PTPRD: variants seen among roughly 807,000 people sequenced by gnomAD.
PTPRD encodes the protein protein tyrosine phosphatase receptor type D, also known as receptor-type tyrosine-protein phosphatase delta.
PTPRD carries 34 observed loss-of-function variants against 214.5 expected under a neutral mutation model. The ratio of observed to expected loss-of-function variants is 0.16; its 90% confidence interval spans 0.12 to 0.21. The LOEUF (loss-of-function observed/expected upper bound fraction) is 0.21, where lower values mean the gene tolerates loss of function less well. PTPRD is among the 10% of genes least tolerant of loss of function. The pLI is 1.00. For missense variants in PTPRD, 2,545 were observed against 2,398.7 expected, an observed-to-expected ratio of 1.06 and a Z score of -1.27; for synonymous variants, 1,128 against 845.7, an observed-to-expected ratio of 1.33 and a Z score of -5.79.
intron 5 of PTPRD, among the ~76,000 whole-genome samples, chr9:9,938,088 G>T (rs2090199085): frequency 6.6e-6 from 1 of 152,052 alleles, no homozygotes; most frequent in Non-Finnish European, 1.5e-5. Flanking sequence ...GTCCTGAAGG[G>T]TTACTCGGCC....
At chr9:9,776,700 C>T (rs1597476661) in intron 5 of PTPRD, among the ~76,000 whole-genome samples, 1 of 152,118 alleles carries the variant, frequency 6.6e-6, no homozygotes, top group East Asian at 1.9e-4. Context: ...AAGATAGTGA[C>T]TTTTACTAAA....
intron 6 of PTPRD, among the ~76,000 whole-genome samples, chr9:9,740,636 T>C (rs1006827380): frequency 3.3e-5 from 5 of 152,176 alleles, no homozygotes; most frequent in Admixed American, 3.3e-4. Context: ...AGTGCTGGGA[T>C]TACAGGCCTG....
chr9:9,322,185 A>T (rs1397558903), intron 9 of PTPRD, among the ~76,000 whole-genome samples: 2 of 152,196 alleles, frequency 1.3e-5, no homozygotes, highest in African/African-American at 4.8e-5. Flanking sequence ...TAGCTTAAAG[A>T]TGTTTTTAAA....
At chr9:10,143,613 C>T (rs2099002520) in intron 3 of PTPRD, among the ~76,000 whole-genome samples, 1 of 152,042 alleles carries the variant, frequency 6.6e-6, no homozygotes, top group African/African-American at 2.4e-5. Flanking sequence ...CTTGTATGTT[C>T]ATTGCAGCAC....
intron 14 of PTPRD, among the ~76,000 whole-genome samples, chr9:8,584,530 A>C (rs1564522749): frequency 6.6e-6 from 1 of 152,134 alleles, no homozygotes; most frequent in African/African-American, 2.4e-5. Flanking sequence ...GCATTCTGGT[A>C]TTCAGCAAAA....
chr9:8,837,191 T>C (rs137952834), intron 11 of PTPRD, among the ~76,000 whole-genome samples: 1 of 151,878 alleles, frequency 6.6e-6, no homozygotes, highest in Non-Finnish European at 1.5e-5. Flanking sequence ...ATTTTTGTAT[T>C]TTCAGTAGAG....
At chr9:9,176,131 A>G (rs1302406076) in intron 10 of PTPRD, among the ~76,000 whole-genome samples, 2 of 152,194 alleles carry the variant, frequency 1.3e-5, no homozygotes, top group Non-Finnish European at 2.9e-5. Flanking sequence ...AAATAGTTGA[A>G]GAGCATGAGG....
At chr9:9,829,625 C>A (rs967946581) in intron 5 of PTPRD, among the ~76,000 whole-genome samples, 1 of 151,846 alleles carries the variant, frequency 6.6e-6, no homozygotes, top group East Asian at 1.9e-4. Flanking sequence ...ACATGTTTTT[C>A]CATATACAGG....
At chr9:10,060,861 C>T (rs1373886639) in intron 3 of PTPRD, among the ~76,000 whole-genome samples, 18 of 101,714 alleles carry the variant, frequency 1.8e-4, no homozygotes, top group African/African-American at 1.1e-3. Flanking sequence ...TTCTTTCTTC[C>T]TTCCTTCTTT....
In PTPRD at chr9:10,382,361, T is replaced by C. The variant is rs1233695303; in HGVS notation, c.-599-41344A>G. Among the ~76,000 whole-genome samples the C allele has an allele frequency of 2.6e-5, 4 of 152,078 alleles. No individual in the cohort carries two copies. The East Asian group carries it at 5.8e-4, about 22-fold the overall frequency. On this transcript the variant is annotated intron_variant, in intron 2 of 45. Transcript: ENST00000381196. Reference sequence around the variant, plus strand: ...TATTTCTAGTTATCTTTATATTGTATGCTTTACTTTTCACTCCAGTGCCTC... The same window carrying C: ...TATTTCTAGTTATCTTTATATTGTACGCTTTACTTTTCACTCCAGTGCCTC...
chr9:9,531,409 T>C lies in PTPRD; in HGVS notation c.-237+43323A>G, dbSNP rs74985542. Among the ~76,000 whole-genome samples, 369 of 152,192 alleles carry C rather than the reference T, an allele frequency of 2.4e-3. 2 individuals are homozygous for C. Among genetic ancestry groups the C allele is most frequent in the South Asian group, 0.013 (63 of 4,826 alleles). ...AGTGATTATTACTCTTGTGTATAAG[T>C]GATTTTGTTTGAATGTGAGACACAA... On this transcript the variant is annotated intron_variant, in intron 8 of 45. Coordinates refer to ENST00000381196, the MANE Select transcript of PTPRD (RefSeq NM_002839.4).
intron 7 of PTPRD, among the ~76,000 whole-genome samples, chr9:9,721,201 A>G (rs1244323676): frequency 6.6e-6 from 1 of 152,158 alleles, no homozygotes; most frequent in Non-Finnish European, 1.5e-5. Context: ...GAAAGTTGCA[A>G]TAGAGGATCA....
At chr9:9,703,243 G>C (rs2097536409) in intron 7 of PTPRD, among the ~76,000 whole-genome samples, 1 of 152,020 alleles carries the variant, frequency 6.6e-6, no homozygotes. Context: ...ATGATTTTAA[G>C]TTTCCAGAGG....
At chr9:8,599,036 AC>A (rs2094641047) in intron 14 of PTPRD, among the ~76,000 whole-genome samples, 2 of 152,014 alleles carry the variant, frequency 1.3e-5, no homozygotes, top group African/African-American at 4.8e-5. Flanking sequence ...CCTGGGAAGG[AC>A]CCGGTGGGAG....
At chr9:8,351,679 G>A (rs1277775178) in intron 39 of PTPRD, among the ~76,000 whole-genome samples, 1 of 137,618 alleles carries the variant, frequency 7.3e-6, no homozygotes, top group African/African-American at 2.7e-5. Flanking sequence ...CTTTTAAAGA[G>A]TGGATATCAG....
At chr9:9,683,422 A>AAACAG (rs1420988825) in intron 7 of PTPRD, among the ~76,000 whole-genome samples, 1 of 151,786 alleles carries the variant, frequency 6.6e-6, no homozygotes, top group East Asian at 1.9e-4. Flanking sequence ...GCACCTGGTA[A>AAACAG]AACAGACTAG....
At chr9:8,677,097 G>T (rs1033645073) in intron 12 of PTPRD, among the ~76,000 whole-genome samples, 7 of 152,168 alleles carry the variant, frequency 4.6e-5, no homozygotes, top group Non-Finnish European at 8.8e-5. Context: ...CATAAAGGAT[G>T]TTGCACTTTA....
At chr9:10,155,193 A>C (rs1023909745) in intron 3 of PTPRD, among the ~76,000 whole-genome samples, 1 of 150,666 alleles carries the variant, frequency 6.6e-6, no homozygotes, top group African/African-American at 2.4e-5. Context: ...TAGGTATTTT[A>C]CTCTTTTTGT....
At chr9:9,261,647 C>CAT (rs1555124535) in intron 9 of PTPRD, among the ~76,000 whole-genome samples, 21 of 148,194 alleles carry the variant, frequency 1.4e-4, no homozygotes, top group African/African-American at 5.0e-4. Context: ...TGTGCATGCA[C>CAT]GTGTGTGTGT....
Sources: allele counts gnomAD v4.1 joint callset (sites outside exome capture counted in the v4.1 genomes callset), GRCh38; gene constraint gnomAD v4.1.1; transcripts MANE v1.5; gene names NCBI Gene and HGNC (gene_info 2026-07-23, HGNC 2026-07-21).